NOL4: variants seen among roughly 807,000 people sequenced by gnomAD.
The protein encoded by NOL4 is nucleolar protein 4, also known as cancer/testis antigen 125.
In NOL4, 17 loss-of-function variants were observed where a neutral mutation model predicts 75.9. The ratio of observed to expected loss-of-function variants is 0.22; its 90% CI spans 0.15 to 0.34. The LOEUF (loss-of-function observed/expected upper bound fraction) is 0.34. Ranked by LOEUF, NOL4 falls within the 10% of genes least tolerant of loss-of-function variation. The pLI is 1.00. For missense variants in NOL4, 614 were observed against 793.5 expected, an observed-to-expected ratio of 0.77 and a Z score of 2.72; for synonymous variants, 292 against 289.9, an observed-to-expected ratio of 1.01 and a Z score of -0.07.
rs187159202 is a variant in NOL4 at position 34,096,911 on chromosome 18, C to T, written c.640-3314G>A. On this transcript the variant is annotated intron_variant, in intron 4 of 10. Transcript: ENST00000261592. The stretch of plus-strand genomic sequence containing the variant: ...GCTTGAAATGGAGACCCCTAATCTG[C>T]TCCATATTTCATTTTAGTTTTCAAG... Among the ~76,000 whole-genome samples, 7 of 152,186 alleles carry T rather than the reference C, an allele frequency of 4.6e-5. No individual in the cohort carries two copies. In the East Asian group the frequency reaches 9.6e-4, roughly 21 times the overall value.
At chr18:34,171,862 A>T (rs1190368499) in intron 1 of NOL4, among the ~76,000 whole-genome samples, 2 of 152,138 alleles carry the variant, frequency 1.3e-5, no homozygotes, top group Non-Finnish European at 2.9e-5. Context: ...GACTCTTAGA[A>T]CTACATTCTA....
intron 10 of NOL4, among the ~76,000 whole-genome samples, chr18:33,863,920 C>T (rs1301434492): frequency 2.6e-5 from 4 of 152,168 alleles, no homozygotes; most frequent in African/African-American, 4.8e-5. Context: ...GCAGAGGTTC[C>T]GAAGCCTCAA....
chr18:34,072,601 A>AGTTT (rs2077570184), intron 5 of NOL4, among the ~76,000 whole-genome samples: 1 of 152,226 alleles, frequency 6.6e-6, no homozygotes, highest in Non-Finnish European at 1.5e-5. Flanking sequence ...AAGTTGACTT[A>AGTTT]GTTTGCATAA....
chr18:33,892,164 C>T (rs534739275), intron 9 of NOL4, among the ~76,000 whole-genome samples: 2 of 152,226 alleles, frequency 1.3e-5, no homozygotes, highest in African/African-American at 4.8e-5. Context: ...GTTGCAGTCG[C>T]TCATGCCTGT....
At chr18:33,999,022 T>C (rs184608461) in intron 6 of NOL4, among the ~76,000 whole-genome samples, 7 of 152,210 alleles carry the variant, frequency 4.6e-5, no homozygotes, top group African/African-American at 1.7e-4. Context: ...GTAGATTTTG[T>C]ACAGTGGATT....
At chr18:33,932,218 A>G (rs1490264090) in intron 9 of NOL4, among the ~76,000 whole-genome samples, 1 of 151,992 alleles carries the variant, frequency 6.6e-6, no homozygotes, top group Admixed American at 6.6e-5. Context: ...AGGACATTTT[A>G]TATATATTTT....
chr18:33,860,006 G>T (rs1469915236), intron 10 of NOL4, among the ~76,000 whole-genome samples: 1 of 152,104 alleles, frequency 6.6e-6, no homozygotes, highest in Non-Finnish European at 1.5e-5. Flanking sequence ...GTTATGCATG[G>T]CTGGGGAGGC....
chr18:34,163,862 C>A (rs933424084), intron 1 of NOL4, among the ~76,000 whole-genome samples: 1 of 151,982 alleles, frequency 6.6e-6, no homozygotes, highest in African/African-American at 2.4e-5. Flanking sequence ...TACAGTAACC[C>A]AAACAGCATG....
intron 1 of NOL4, among the ~76,000 whole-genome samples, chr18:34,195,597 T>G (rs2035269058): frequency 6.6e-6 from 1 of 152,026 alleles, no homozygotes; most frequent in Admixed American, 6.6e-5. Flanking sequence ...TCCTTTAAGT[T>G]TCAAGGTTTG....
chr18:34,011,452 T>C (rs960377661), intron 6 of NOL4, among the ~76,000 whole-genome samples: 3 of 151,712 alleles, frequency 2.0e-5, no homozygotes, highest in Admixed American at 1.3e-4. Flanking sequence ...GGAGTCCTGG[T>C]AATAGCAATT....
chr18:33,938,998 T>A (rs960960324), intron 9 of NOL4, among the ~76,000 whole-genome samples: 7 of 152,176 alleles, frequency 4.6e-5, no homozygotes, highest in African/African-American at 1.7e-4. Flanking sequence ...TGAGTATGGC[T>A]ATCCAGTTTT....
intron 6 of NOL4, among the ~76,000 whole-genome samples, chr18:33,983,203 A>T (rs2072120962): frequency 6.6e-6 from 1 of 152,160 alleles, no homozygotes; most frequent in South Asian, 2.1e-4. Context: ...AGGAAGGGAT[A>T]AATGGGCAGA....
chr18:34,053,989 T>A (rs980449481), intron 5 of NOL4, among the ~76,000 whole-genome samples: 1 of 151,946 alleles, frequency 6.6e-6, no homozygotes, highest in Non-Finnish European at 1.5e-5. Context: ...ATGAGTAAGA[T>A]GAAAGTGAAT....
chr18:33,894,753 T>C (rs934427062), intron 9 of NOL4, among the ~76,000 whole-genome samples: 2 of 152,110 alleles, frequency 1.3e-5, no homozygotes, highest in African/African-American at 4.8e-5. Flanking sequence ...ATCTCACTTA[T>C]ATGTGGAGTA....
At position 34,112,025 on chromosome 18, in the gene NOL4, A is replaced by T. The variant is rs550831958; in HGVS notation, c.415-6865T>A. On this transcript the variant is annotated intron_variant, in intron 2 of 10. Coordinates refer to ENST00000261592, the MANE Select transcript of NOL4 (RefSeq NM_003787.5). The stretch of plus-strand genomic sequence containing the variant: ...AAATGGAAATCATTATCTCAAAGAG[A>T]TATCTGCACTCCTATGTTCATTGCA... Among the ~76,000 whole-genome samples, 9 of 152,278 alleles carry T rather than the reference A, an allele frequency of 5.9e-5. No homozygotes were observed. The South Asian group carries it at 1.9e-3, about 32-fold the overall frequency.
At chr18:33,881,676 C>A (rs1372859727) in intron 10 of NOL4, among the ~76,000 whole-genome samples, 17 of 152,158 alleles carry the variant, frequency 1.1e-4, no homozygotes, top group East Asian at 3.9e-4. Flanking sequence ...GCTACCAATG[C>A]CTTTCTTCAC....
rs1450371988 is a variant in NOL4 at position 34,104,107 on chromosome 18, T to G, written c.579A>C (p.Pro193=). Residue 193 remains proline (P), a synonymous_variant, in exon 4 of 11, where the codon CCA becomes CCC. Transcript: ENST00000261592. ...TGTGTTTCATGTAGGCCATGGTAAT[T>G]GGCATGTTGTAGTCAATCATGCTGG... ...LVTSMIDYNM[P]ITMAYMKHMK... 6.2e-7 allele frequency: 1 copy of G among 1,612,026 alleles called. No individual in the cohort carries two copies.
intron 10 of NOL4, among the ~76,000 whole-genome samples, chr18:33,864,303 T>A (rs1291393541): frequency 6.6e-6 from 1 of 152,186 alleles, no homozygotes; most frequent in African/African-American, 2.4e-5. Context: ...TTCTTTTCTA[T>A]CTCATTGTGA....
chr18:34,125,965 A>G (rs2080366938), intron 2 of NOL4, among the ~76,000 whole-genome samples: 1 of 110,356 alleles, frequency 9.1e-6, no homozygotes, highest in South Asian at 2.7e-4. Context: ...TACAGGATGC[A>G]CCAAAAAAAA....
Sources: gnomAD v4.1 joint callset for allele counts (sites outside exome capture counted in the v4.1 genomes callset) on GRCh38, gnomAD v4.1.1 for gene constraint, MANE v1.5 for transcripts, NCBI Gene and HGNC (gene_info 2026-07-23, HGNC 2026-07-21) for gene names.